The following ILDR2 variants were observed in gnomAD, a reference collection of about 807,000 sequenced individuals.
ILDR2 encodes immunoglobulin like domain containing receptor 2.
Under a neutral mutation model 66.8 loss-of-function variants are expected in ILDR2, and 25 were observed. The observed-to-expected ratio is 0.37, with a 90% CI of 0.27 to 0.52. The LOEUF (loss-of-function observed/expected upper bound fraction) is 0.52. Among genes scored for constraint, ILDR2 ranks in the 20% least tolerant of loss-of-function variants. The probability of loss-of-function intolerance (pLI) is 0.88; values close to 1 mark genes in which losing one functional copy is unlikely to be tolerated. For missense variants in ILDR2, 827 were observed against 876.8 expected (o/e 0.94, Z 0.72); for synonymous variants, 367 against 357.2 (o/e 1.03, Z -0.31).
intron 3 of ILDR2, among the ~76,000 whole-genome samples, chr1:166,947,619 G>A (rs1423872539): frequency 6.6e-6 from 1 of 152,120 alleles, no homozygotes; most frequent in African/African-American, 2.4e-5. Flanking sequence ...CAGGGGCTGA[G>A]CCAATTTCTC....
In ILDR2 at chr1:166,975,215, A is replaced by T. The variant is rs756626907; in HGVS notation, c.46+8T>A. ...AAGTTATTCGTTTCTGTTGAAAAGG[A>T]CTCTTACCTGTTAGCCAGAAGAGAG... On this transcript the variant is annotated splice_region_variant and intron_variant, in intron 1 of 9. Coordinates refer to ENST00000271417, the MANE Select transcript of ILDR2 (RefSeq NM_199351.3). The T allele has an allele frequency of 5.0e-6, 8 of 1,606,990 alleles. No homozygotes were observed. The highest frequency in any genetic ancestry group is 1.1e-5 in the South Asian group (1 of 90,888).
At chr1:166,951,356 T>C (rs553417841) in intron 3 of ILDR2, among the ~76,000 whole-genome samples, 3 of 152,280 alleles carry the variant, frequency 2.0e-5, no homozygotes, top group African/African-American at 7.2e-5. Flanking sequence ...GAGATGGAGA[T>C]GAGGAGACAG....
intron 3 of ILDR2, among the ~76,000 whole-genome samples, chr1:166,951,132 T>C (rs959381414): frequency 1.3e-5 from 2 of 152,210 alleles, no homozygotes; most frequent in African/African-American, 4.8e-5. Context: ...ATAGGTTCAG[T>C]TGGGGTTGGG....
At position 166,919,385 on chromosome 1, in the gene ILDR2, G is replaced by A; in HGVS notation, c.1890C>T (p.Asp630=). ...CCACAAGGGACATCCTGGTTGGAAA[G>A]TCATTCTAGGAAAGAGCAGAAAGAG... The part of the protein sequence containing the change: ...RKKEPAKKTN[D]FPTRMSLVV Residue 630 remains aspartate, a synonymous_variant, in exon 10 of 10, where the codon GAC becomes GAT. Coordinates refer to ENST00000271417, the MANE Select transcript of ILDR2 (RefSeq NM_199351.3). The A allele has an allele frequency of 6.2e-7, 1 of 1,609,416 alleles. No individual in the cohort carries two copies. The highest frequency in any genetic ancestry group is 1.1e-5 in the South Asian group (1 of 90,668).
At chr1:166,948,977 G>A (rs1004951416) in intron 3 of ILDR2, among the ~76,000 whole-genome samples, 2 of 152,200 alleles carry the variant, frequency 1.3e-5, no homozygotes, top group Non-Finnish European at 2.9e-5. Context: ...GCTCATAGAC[G>A]TTGACTTGTC....
At chr1:166,940,293 G>C (rs1278044680) in intron 3 of ILDR2, among the ~76,000 whole-genome samples, 1 of 152,224 alleles carries the variant, frequency 6.6e-6, no homozygotes, top group Non-Finnish European at 1.5e-5. Flanking sequence ...GCAAAGAGCT[G>C]TGCAGGAAAC....
rs1337227851 is a variant in ILDR2, at chr1:166,916,378, T to C, written c.*2977A>G. 3.9e-5 allele frequency: 6 copies of C among 152,252 alleles called. No individual in the cohort carries two copies. Among genetic ancestry groups the C allele is most frequent in the Admixed American group, 1.3e-4 (2 of 15,288 alleles). 9.4% of individuals were successfully genotyped at this position (152,252 alleles called of 1,614,324 possible). Reference sequence around the variant, plus strand: ...TTATTATAATTTATCCATAGCACTATTTCATACTCTATGTATAAAATCTCC... The same window carrying C: ...TTATTATAATTTATCCATAGCACTACTTCATACTCTATGTATAAAATCTCC... On this transcript the variant is annotated 3_prime_UTR_variant, in exon 10 of 10. Transcript: ENST00000271417.
At chr1:166,945,042 A>T (rs1661535153) in intron 3 of ILDR2, among the ~76,000 whole-genome samples, 1 of 152,192 alleles carries the variant, frequency 6.6e-6, no homozygotes, top group African/African-American at 2.4e-5. Context: ...TTCTAGCTGG[A>T]CTTATGATTT....
intron 3 of ILDR2, among the ~76,000 whole-genome samples, chr1:166,951,421 A>G (rs1330196686): frequency 6.6e-6 from 1 of 152,156 alleles, no homozygotes; most frequent in Non-Finnish European, 1.5e-5. Context: ...TGAAGCTAGG[A>G]ATACCCCCGG....
Position 166,937,061 on chromosome 1 carries a change from A to G in ILDR2, c.557-324T>C, listed in dbSNP as rs150210912. ...ACACTATTGACTGTAGCATCAGAAT[A>G]AGGATGGGACCAGAGCTGAAAGAAT... On this transcript the variant is annotated intron_variant, in intron 4 of 9. Transcript: ENST00000271417. Among the ~76,000 whole-genome samples the G allele has an allele frequency of 1.6e-3, 239 of 152,340 alleles. 1 individual carries two copies. The highest frequency in any genetic ancestry group is 5.4e-3 in the African/African-American group (225 of 41,588).
At chr1:166,970,102 G>T (rs1056971944) in intron 1 of ILDR2, among the ~76,000 whole-genome samples, 1 of 152,158 alleles carries the variant, frequency 6.6e-6, no homozygotes, top group Non-Finnish European at 1.5e-5. Context: ...ACAAAAATTT[G>T]GGACTAGAAG....
intron 2 of ILDR2, among the ~76,000 whole-genome samples, chr1:166,896,769 G>A (rs1233735024): frequency 1.3e-5 from 2 of 151,508 alleles, no homozygotes; most frequent in African/African-American, 2.4e-5. Context: ...CTCAGTAGCT[G>A]GGATTACAGG....
In ILDR2 at chr1:166,909,770, A is replaced by C. The variant is rs58834186; in HGVS notation, c.*9585T>G. Reference sequence around the variant, plus strand: ...ATATATATATATATAAATATATATAAATATATATATTTATATATATATATA... The same window carrying C: ...ATATATATATATATAAATATATATACATATATATATTTATATATATATATA... On this transcript the variant is annotated 3_prime_UTR_variant, in exon 10 of 10. Coordinates refer to ENST00000271417, the MANE Select transcript of ILDR2 (RefSeq NM_199351.3). 3 of 66,240 alleles carry C rather than the reference A, an allele frequency of 4.5e-5. No homozygotes were observed. The highest frequency in any genetic ancestry group is 6.4e-4 in the South Asian group (1 of 1,570). 4.1% of individuals were successfully genotyped at this position (66,240 alleles called of 1,614,324 possible). A position where few individuals can be genotyped will look rare whatever the true frequency, so the allele number is the denominator to read the frequency against.
chr1:166,947,858 G>C lies in ILDR2; in HGVS notation c.500-8288C>G, dbSNP rs528152236. 1.1e-4 allele frequency among the ~76,000 whole-genome samples: 17 copies of C among 152,298 alleles called. No homozygotes were observed. In the South Asian group the frequency reaches 1.2e-3, roughly 11 times the overall value. ...AGCAAAAATAGTGAGGCGGAATAAA[G>C]GCTGCGAGGAGGGGGCGGCGGGCGC... is the stretch of plus-strand genomic sequence containing the variant. On this transcript the variant is annotated intron_variant, in intron 3 of 9. Coordinates refer to ENST00000271417, the MANE Select transcript of ILDR2 (RefSeq NM_199351.3).
chr1:166,911,558 C>T lies in ILDR2; in HGVS notation c.*7797G>A, dbSNP rs938327754. The stretch of plus-strand genomic sequence containing the variant: ...AGTGAAAGTTAGCAGAAGTAACAAA[C>T]TCTAAAAGTAGACCCACAAAGACTG... On this transcript the variant is annotated 3_prime_UTR_variant, in exon 10 of 10. Transcript: ENST00000271417. 2 of 151,416 alleles carry T rather than the reference C, an allele frequency of 1.3e-5. No individual in the cohort carries two copies. Among genetic ancestry groups the T allele is most frequent in the African/African-American group, 4.9e-5 (2 of 41,192 alleles). The allele number at this position is 151,416 out of a possible 1,614,324, so 9.4% of individuals were successfully genotyped here.
At chr1:166,929,818 T>C (rs943825969) in intron 6 of ILDR2, among the ~76,000 whole-genome samples, 2 of 152,078 alleles carry the variant, frequency 1.3e-5, no homozygotes, top group African/African-American at 4.8e-5. Flanking sequence ...ATATGGGCGG[T>C]TTATTGGAGA....
At position 166,933,672 on chromosome 1, in the gene ILDR2, A is replaced by T. The variant is rs541172685; in HGVS notation, c.880+1629T>A. 454 of 333,440 alleles carry T rather than the reference A, an allele frequency of 1.4e-3. 2 individuals are homozygous for T. Among genetic ancestry groups the T allele is most frequent in the Non-Finnish European group, 1.8e-3 (420 of 234,004 alleles). The allele number at this position is 333,440 out of a possible 1,614,324, so 20.7% of individuals were successfully genotyped here. ...TTATTAGATAATCCATTAAAAAATA[A>T]GGGGGAAAGGATTCTGGTGGGAAGA... On this transcript the variant is annotated intron_variant, in intron 6 of 9. Coordinates refer to ENST00000271417, the MANE Select transcript of ILDR2 (RefSeq NM_199351.3).
rs953504228 is a variant in ILDR2 at position 166,908,626 on chromosome 1, T to G, written c.*10729A>C. The G allele has an allele frequency of 1.3e-5, 2 of 152,042 alleles. No homozygotes were observed. Among genetic ancestry groups the G allele is most frequent in the African/African-American group, 2.4e-5 (1 of 41,368 alleles). The allele number at this position is 152,042 out of a possible 1,614,324, so 9.4% of individuals were successfully genotyped here. ...AACCTCTAACAAAAAAAGTAGAAGG[T>G]GAATAATTAGGAGACAACAGGAAGT... On this transcript the variant is annotated 3_prime_UTR_variant, in exon 10 of 10. Coordinates refer to ENST00000271417, the MANE Select transcript of ILDR2 (RefSeq NM_199351.3).
At position 166,970,116 on chromosome 1, in the gene ILDR2, C is replaced by T. The variant is rs187688384; in HGVS notation, c.46+5107G>A. On this transcript the variant is annotated intron_variant, in intron 1 of 9. Transcript: ENST00000271417. ...AACAAAAATTTGGGACTAGAAGGGA[C>T]ATTCTAGGACCAGATTGGCTGGAGT... Among the ~76,000 whole-genome samples, 22 of 152,284 alleles carry T rather than the reference C, an allele frequency of 1.4e-4. No individual in the cohort carries two copies. The East Asian group carries it at 3.7e-3, about 25-fold the overall frequency.
Sources: allele counts gnomAD v4.1 joint callset (sites outside exome capture counted in the v4.1 genomes callset), GRCh38; gene constraint gnomAD v4.1.1; transcripts MANE v1.5; gene names NCBI Gene and HGNC (gene_info 2026-07-23, HGNC 2026-07-21).